PARD3: variants seen among roughly 807,000 people sequenced by gnomAD.
The protein encoded by PARD3 is par-3 family cell polarity regulator, also known as partitioning defective 3 homolog.
Under a neutral mutation model 155.4 loss-of-function variants are expected in PARD3, and 75 were observed. That is an observed-to-expected ratio of 0.48 (90% confidence interval 0.40 to 0.58). PARD3 has a LOEUF of 0.58. Among genes scored for constraint, PARD3 ranks in the 20% least tolerant of loss-of-function variants. The pLI, the probability that PARD3 is intolerant of heterozygous loss-of-function variation, is 0.00. For missense variants in PARD3, 1,642 were observed against 1,721.7 expected (o/e 0.95, Z 0.82); for synonymous variants, 576 against 610.5 (o/e 0.94, Z 0.83).
intron 7 of PARD3, among the ~76,000 whole-genome samples, chr10:34,396,811 T>TA (rs1843392364): frequency 6.6e-6 from 1 of 152,094 alleles, no homozygotes; most frequent in Non-Finnish European, 1.5e-5. Context: ...TCCTTCCTGC[T>TA]ATACTACATT....
In PARD3 at chr10:34,395,089, C is replaced by G. The variant is rs369384262; in HGVS notation, c.890+4241G>C. 9.5e-4 allele frequency among the ~76,000 whole-genome samples: 145 copies of G among 152,242 alleles called. 1 individual carries two copies. Among genetic ancestry groups the G allele is most frequent in the African/African-American group, 3.3e-3 (139 of 41,546 alleles). On this transcript the variant is annotated intron_variant, in intron 7 of 24. Transcript: ENST00000374788. Reference sequence around the variant, plus strand: ...TCACTCTGTCACCTAGGCTGGAGTGCAGTGGCGTGATCTTGGCTCACTGCA... The same window carrying G: ...TCACTCTGTCACCTAGGCTGGAGTGGAGTGGCGTGATCTTGGCTCACTGCA...
intron 20 of PARD3, among the ~76,000 whole-genome samples, chr10:34,297,061 C>G (rs1180995375): frequency 1.3e-5 from 2 of 152,178 alleles, no homozygotes; most frequent in African/African-American, 4.8e-5. Context: ...TGGCTCACAA[C>G]TGGAATTCCA....
chr10:34,702,706 G>A (rs763757932), intron 1 of PARD3, among the ~76,000 whole-genome samples: 1 of 152,206 alleles, frequency 6.6e-6, no homozygotes, highest in Admixed American at 6.5e-5. Flanking sequence ...ATCTTTCCCT[G>A]GGCCTCTATC....
chr10:34,622,947 ATG>A (rs2091776607), intron 2 of PARD3, among the ~76,000 whole-genome samples: 1 of 149,190 alleles, frequency 6.7e-6, no homozygotes, highest in South Asian at 2.1e-4. Context: ...CTTTTTCCCC[ATG>A]TGTGTCTTTT....
intron 2 of PARD3, among the ~76,000 whole-genome samples, chr10:34,685,705 T>C (rs2093945492): frequency 2.0e-5 from 3 of 151,926 alleles, no homozygotes; most frequent in Admixed American, 6.6e-5. Context: ...ACGATTCTCA[T>C]GCCTCAGCCT....
rs1173904388 is a variant in PARD3, at chr10:34,309,548, C to CAAAAAAAAAAA, written c.3065+7548_3065+7558dup. On this transcript the variant is annotated intron_variant, in intron 20 of 24. Coordinates refer to ENST00000374788, the MANE Select transcript of PARD3 (RefSeq NM_001184785.2). ...CTCCTGCTGAGCAAGACCCTGTCTC[C>CAAAAAAAAAAA]AAAAAAAAAAAAAAAAAAAAAAAAA... Among the ~76,000 whole-genome samples, 13 of 64,028 alleles carry CAAAAAAAAAAA rather than the reference C, an allele frequency of 2.0e-4. 1 individual carries two copies. The highest frequency in any genetic ancestry group is 9.5e-4 in the South Asian group (1 of 1,050). 42.0% of individuals were successfully genotyped at this position (64,028 alleles called of 152,430 possible). A position where few individuals can be genotyped will look rare whatever the true frequency, so the allele number is the denominator to read the frequency against.
chr10:34,180,088 C>T (rs1409269705), intron 22 of PARD3, among the ~76,000 whole-genome samples: 1 of 152,002 alleles, frequency 6.6e-6, no homozygotes, highest in Admixed American at 6.6e-5. Flanking sequence ...CGCTCTGTCG[C>T]CCAGGCTGGA....
chr10:34,803,130 T>C (rs574663966), intron 1 of PARD3, among the ~76,000 whole-genome samples: 51 of 149,778 alleles, frequency 3.4e-4, no homozygotes, highest in Non-Finnish European at 6.9e-4. Context: ...TCCCAGCTAC[T>C]TGGGAGGCTG....
intron 22 of PARD3, among the ~76,000 whole-genome samples, chr10:34,174,786 G>A (rs1157562851): frequency 6.6e-6 from 1 of 152,126 alleles, no homozygotes; most frequent in Non-Finnish European, 1.5e-5. Flanking sequence ...ATGTATACTA[G>A]TAAACTAACA....
In PARD3 at chr10:34,129,827, A is replaced by G. The variant is rs573894109; in HGVS notation, c.3540+1636T>C. 3.3e-3 allele frequency among the ~76,000 whole-genome samples: 479 copies of G among 145,096 alleles called. 4 individuals are homozygous for G. The highest frequency in any genetic ancestry group is 0.011 in the African/African-American group (442 of 38,554). Reference sequence around the variant, plus strand: ...CATGTGCCACCACATCCGGGTAATTAAAAACTTTTTTTTTTTTTTTTTTGT... The same window carrying G: ...CATGTGCCACCACATCCGGGTAATTGAAAACTTTTTTTTTTTTTTTTTTGT... On this transcript the variant is annotated intron_variant, in intron 23 of 24. Coordinates refer to ENST00000374788, the MANE Select transcript of PARD3 (RefSeq NM_001184785.2).
chr10:34,618,564 A>T (rs577102835), intron 2 of PARD3, among the ~76,000 whole-genome samples: 6 of 148,834 alleles, frequency 4.0e-5, no homozygotes, highest in African/African-American at 9.9e-5. Flanking sequence ...AATTCATTTT[A>T]AAAAAAAAAC....
chr10:34,539,650 G>A (rs1430356343), intron 2 of PARD3, among the ~76,000 whole-genome samples: 1 of 152,216 alleles, frequency 6.6e-6, no homozygotes, highest in Non-Finnish European at 1.5e-5. Context: ...GACACAGCGA[G>A]ACTCCGTCTC....
intron 5 of PARD3, among the ~76,000 whole-genome samples, chr10:34,412,648 A>G (rs1845209871): frequency 6.6e-6 from 1 of 152,224 alleles, no homozygotes; most frequent in South Asian, 2.1e-4. Context: ...ATTAGATTTA[A>G]TAACCATATC....
chr10:34,329,599 G>T (rs1476422741), intron 19 of PARD3, among the ~76,000 whole-genome samples: 1 of 152,094 alleles, frequency 6.6e-6, no homozygotes, highest in Non-Finnish European at 1.5e-5. Flanking sequence ...TTCACAGCCG[G>T]GAGGAAGAGG....
chr10:34,501,588 C>A (rs144246798), intron 3 of PARD3, among the ~76,000 whole-genome samples: 2 of 152,220 alleles, frequency 1.3e-5, no homozygotes, highest in East Asian at 3.9e-4. Context: ...AAATGATCAG[C>A]CCATTAATAT....
chr10:34,211,287 AC>A (rs1311886705), intron 22 of PARD3, among the ~76,000 whole-genome samples: 1 of 152,094 alleles, frequency 6.6e-6, no homozygotes, highest in Non-Finnish European at 1.5e-5. Context: ...GGCCCGTGTG[AC>A]CCCAAGCCCT....
intron 20 of PARD3, among the ~76,000 whole-genome samples, chr10:34,316,632 A>G (rs1958022918): frequency 6.6e-6 from 1 of 152,200 alleles, no homozygotes; most frequent in Admixed American, 6.5e-5. Context: ...TCACACACAA[A>G]AAAGAACAAA....
At chr10:34,439,479 A>G (rs1182869197) in intron 5 of PARD3, among the ~76,000 whole-genome samples, 2 of 151,132 alleles carry the variant, frequency 1.3e-5, no homozygotes, top group Non-Finnish European at 2.9e-5. Context: ...TCTTTTCTTG[A>G]GAGAGTTTCA....
At chr10:34,377,839 G>A (rs1267965731) in intron 10 of PARD3, 128 bp downstream of exon 10, 1 of 565,260 alleles carries the variant, frequency 1.8e-6, no homozygotes, top group Non-Finnish European at 2.9e-6. Flanking sequence ...AACACATTTT[G>A]TGACGCATAC....
Sources: gnomAD v4.1 joint callset for allele counts (sites outside exome capture counted in the v4.1 genomes callset) on GRCh38, gnomAD v4.1.1 for gene constraint, MANE v1.5 for transcripts, NCBI Gene and HGNC (gene_info 2026-07-23, HGNC 2026-07-21) for gene names.